COL6A3: variants seen among roughly 807,000 people sequenced by gnomAD.
COL6A3 encodes collagen alpha-3(VI) chain.
In COL6A3, 137 loss-of-function variants were observed where a neutral mutation model predicts 274.1. That is an observed-to-expected ratio of 0.50 (90% confidence interval 0.44 to 0.58). COL6A3 has a LOEUF of 0.58. Ranked by LOEUF, COL6A3 falls within the 20% of genes least tolerant of loss-of-function variation. The pLI is 0.00. For missense variants in COL6A3, 3,950 were observed against 4,124.9 expected (o/e 0.96, Z 1.16); for synonymous variants, 1,650 against 1,650.6 (o/e 1.00, Z 0.01).
intron 30 of COL6A3, 116 bp downstream of exon 30, chr2:237,348,233 A>G (rs925317779): frequency 8.9e-6 from 8 of 898,616 alleles, no homozygotes; most frequent in Non-Finnish European, 1.5e-5. Context: ...AGGGTAGCCC[A>G]GTTAACTGAG....
At chr2:237,365,180 T>C (rs1157646774) in intron 12 of COL6A3, among the ~76,000 whole-genome samples, 3 of 149,746 alleles carry the variant, frequency 2.0e-5, no homozygotes, top group East Asian at 3.9e-4. Flanking sequence ...AGAAGACCCC[T>C]GCCTACAAGC....
At chr2:237,333,112 A>G (rs1700348663) in intron 42 of COL6A3, 4 of 369,558 alleles carry the variant, frequency 1.1e-5, no homozygotes, top group Admixed American at 3.7e-5. Flanking sequence ...CACTGAGTAA[A>G]TGAAACGCCA....
At chr2:237,328,415 G>C (rs1700059779) in intron 42 of COL6A3, 1 of 152,152 alleles carries the variant, frequency 6.6e-6, no homozygotes, top group African/African-American at 2.4e-5. Context: ...AAGCCCCACA[G>C]TCCATTTTTG....
chr2:237,376,802 T>C lies in COL6A3; in HGVS notation c.3040A>G (p.Lys1014Glu), dbSNP rs114284669. 3.7e-4 allele frequency: 599 copies of C among 1,614,204 alleles called. No homozygotes were observed. The highest frequency in any genetic ancestry group is 4.8e-4 in the Non-Finnish European group (570 of 1,180,042). Residue 1014 changes from lysine (K) to glutamate (E), a missense_variant, in exon 7 of 44, where the codon AAA becomes GAA. Physicochemically the swap from Lys to Glu is moderately conservative, Grantham distance 56. Coordinates refer to ENST00000295550, the MANE Select transcript of COL6A3 (RefSeq NM_004369.4). ...DLHPQIVNLL[K>E]SVHNGAPAPV... Reference sequence around the variant, plus strand: ...GCTGGTGCTCCGTTGTGCACTGATTTTAAGAGATTCACTATCTGTGGATGA... The same window carrying C: ...GCTGGTGCTCCGTTGTGCACTGATTCTAAGAGATTCACTATCTGTGGATGA...
In COL6A3 at chr2:237,394,647, C is replaced by A. The variant is rs745761792; in HGVS notation, c.649G>T (p.Val217Leu). 4 of 1,614,196 alleles carry A rather than the reference C, an allele frequency of 2.5e-6. No homozygotes were observed. In the Admixed American group the frequency reaches 5.0e-5, roughly 20 times the overall value. ...HDIVGNLVSC[V>L]HSSVSPERAG... ...CTTTCTGGACTCACGGATGAATGCA[C>A]ACAGGACACTAAGTTTCCTACTATG... The change falls in exon 3 of 44, where the codon GTG becomes TTG. Residue 217 changes from valine to leucine, a missense_variant. Physicochemically the swap from Val to Leu is conservative, Grantham distance 32. Transcript: ENST00000295550.
rs553770013 is a variant in COL6A3 at position 237,343,992 on chromosome 2, T to C, written c.7668+358A>G. On this transcript the variant is annotated intron_variant, in intron 36 of 43. Coordinates refer to ENST00000295550, the MANE Select transcript of COL6A3 (RefSeq NM_004369.4). ...TCAGAGTGTGCACAGGGGGCCATCT[T>C]GGGAGGAGACAGGAAGGATGCAAAC... 4.3e-5 allele frequency: 16 copies of C among 374,360 alleles called. 1 individual carries two copies. The highest frequency in any genetic ancestry group is 2.4e-4 in the South Asian group (11 of 45,804). 23.2% of individuals were successfully genotyped at this position (374,360 alleles called of 1,614,324 possible).
Position 237,367,270 on chromosome 2 carries a change from G to A in COL6A3, c.4917C>T (p.Asp1639=). The A allele has an allele frequency of 6.2e-7, 1 of 1,613,552 alleles. No homozygotes were observed. The highest frequency in any genetic ancestry group is 8.5e-7 in the Non-Finnish European group (1 of 1,179,738). The stretch of plus-strand genomic sequence containing the variant: ...TGGAACCATCCAACAGGAACACAAT[G>A]TCTGCTTTCTTCTTCTCTAGAAGTG... ...PPSRPEKKKA[D]IVFLLDGSIN... is the part of the protein sequence containing the mutation. Residue 1639 remains aspartate, a synonymous_variant, in exon 11 of 44, where the codon GAC becomes GAT. Coordinates refer to ENST00000295550, the MANE Select transcript of COL6A3 (RefSeq NM_004369.4).
chr2:237,376,125 C>T (rs753040706), intron 7 of COL6A3, among the ~76,000 whole-genome samples: 5 of 152,174 alleles, frequency 3.3e-5, no homozygotes, highest in Non-Finnish European at 7.3e-5. Context: ...GTCGGAGTTA[C>T]CATCCCAAGC....
chr2:237,359,402 C>G lies in COL6A3; in HGVS notation c.6283-14G>C, dbSNP rs373442871. On this transcript the variant is annotated splice_polypyrimidine_tract_variant and intron_variant, in intron 17 of 43. Coordinates refer to ENST00000295550, the MANE Select transcript of COL6A3 (RefSeq NM_004369.4). ...TCCCCGAGAGCCCTAGAAGGCAAGG[C>G]GATAGGGGAAGCATTAGCTTTTCCT... is the stretch of plus-strand genomic sequence containing the variant. 6.2e-7 allele frequency: 1 copy of G among 1,613,662 alleles called. No individual in the cohort carries two copies. The highest frequency in any genetic ancestry group is 8.5e-7 in the Non-Finnish European group (1 of 1,179,888).
Position 237,375,036 on chromosome 2 carries a change from C to A in COL6A3, c.3071-16G>T, listed in dbSNP as rs73998896. 1 of 1,612,706 alleles carries A rather than the reference C, an allele frequency of 6.2e-7. No individual in the cohort carries two copies. The highest frequency in any genetic ancestry group is 1.1e-5 in the South Asian group (1 of 91,070). On this transcript the variant is annotated splice_polypyrimidine_tract_variant and intron_variant, in intron 7 of 43. Coordinates refer to ENST00000295550, the MANE Select transcript of COL6A3 (RefSeq NM_004369.4). ...TCACCTGAAACTGGGAGGAGGACAG[C>A]CTGGTAACTCACACAGGACATCAGA...
At chr2:237,342,385 A>T in intron 36 of COL6A3, 1 of 570,498 alleles carries the variant, frequency 1.8e-6, no homozygotes, top group Non-Finnish European at 3.1e-6. Flanking sequence ...TATCCCGTTC[A>T]AATGGGTTTC....
chr2:237,402,817 G>T (rs1209053471), intron 1 of COL6A3, among the ~76,000 whole-genome samples: 5 of 152,132 alleles, frequency 3.3e-5, no homozygotes, highest in African/African-American at 1.2e-4. Flanking sequence ...CTGAGCTTTT[G>T]TATCTCTATC....
intron 11 of COL6A3, among the ~76,000 whole-genome samples, chr2:237,366,269 T>C (rs2077549164): frequency 6.6e-6 from 1 of 152,200 alleles, no homozygotes; most frequent in Admixed American, 6.5e-5. Context: ...GTCAGCTTTG[T>C]TGGTGGTGTT....
chr2:237,359,471 C>T (rs533912554), intron 17 of COL6A3, 83 bp from the exon 18 acceptor site: 1 of 1,355,294 alleles, frequency 7.4e-7, no homozygotes, highest in African/African-American at 1.4e-5. Context: ...GGCTGTTCCC[C>T]CACTCCACCC....
At position 237,364,875 on chromosome 2, in the gene COL6A3, G is replaced by T. The variant is rs906713296; in HGVS notation, c.5839-447C>A. 6.7e-6 allele frequency among the ~76,000 whole-genome samples: 1 copy of T among 149,628 alleles called. No homozygotes were observed. The highest frequency in any genetic ancestry group is 1.5e-5 in the Non-Finnish European group (1 of 67,428). On this transcript the variant is annotated intron_variant, in intron 12 of 43. Coordinates refer to ENST00000295550, the MANE Select transcript of COL6A3 (RefSeq NM_004369.4). This position sits in a 1 kb window ranked among gnomAD's most constrained non-coding sequence, Gnocchi z 4.6. Reference sequence around the variant, plus strand: ...TGTGTGGGTGCGTATGTGTGTGCATGTGTATGGGTGCATGTGCGTGCATGT... The same window carrying T: ...TGTGTGGGTGCGTATGTGTGTGCATTTGTATGGGTGCATGTGCGTGCATGT...
At chr2:237,370,759 TAAGA>T (rs1006962559) in intron 9 of COL6A3, among the ~76,000 whole-genome samples, 1 of 152,144 alleles carries the variant, frequency 6.6e-6, no homozygotes, top group African/African-American at 2.4e-5. Flanking sequence ...TGGAGCTGTT[TAAGA>T]AAGAGAGAAT....
rs755091615 is a variant in COL6A3, at chr2:237,371,820, G to A, written c.4197C>T (p.Ser1399=). Residue 1399 remains serine, a synonymous_variant, in exon 9 of 44, where the codon AGC becomes AGT. Coordinates refer to ENST00000295550, the MANE Select transcript of COL6A3 (RefSeq NM_004369.4). This position sits in a 1 kb window ranked among gnomAD's most constrained non-coding sequence, Gnocchi z 4.3. ...TGGGCGTCAGCAGTTTCTGCTCCAG[G>A]CTGGGCAGCTCCCGGAAGGTGCTCA... ...FSVSTFRELP[S]LEQKLLTPIT... 1.2e-6 allele frequency: 2 copies of A among 1,613,644 alleles called. No homozygotes were observed. The highest frequency in any genetic ancestry group is 1.7e-6 in the Non-Finnish European group (2 of 1,179,992).
intron 27 of COL6A3, among the ~76,000 whole-genome samples, chr2:237,350,857 C>T (rs1463396408): frequency 1.3e-5 from 2 of 152,236 alleles, no homozygotes; most frequent in African/African-American, 4.8e-5. Context: ...AAGAGAGGAG[C>T]AGAAAACCTG....
intron 5 of COL6A3, among the ~76,000 whole-genome samples, chr2:237,379,660 C>A (rs2077951514): frequency 6.6e-6 from 1 of 152,170 alleles, no homozygotes; most frequent in African/African-American, 2.4e-5. Context: ...AGAGGGTCTT[C>A]CATCCATAGC....
Sources: allele counts gnomAD v4.1 joint callset (sites outside exome capture counted in the v4.1 genomes callset), GRCh38; gene constraint gnomAD v4.1.1; non-coding constraint Gnocchi (gnomAD v3.1); transcripts MANE v1.5; gene names NCBI Gene and HGNC (gene_info 2026-07-23, HGNC 2026-07-21).